The following SPTA1 variants were observed in gnomAD, a reference collection of about 807,000 sequenced individuals.
SPTA1 encodes the protein spectrin alpha chain, erythrocytic 1.
Under a neutral mutation model 324.7 loss-of-function variants are expected in SPTA1, and 177 were observed. The ratio of observed to expected loss-of-function variants is 0.55; its 90% CI spans 0.48 to 0.62. The LOEUF is 0.62. Ranked by LOEUF, SPTA1 falls within the 20% of genes least tolerant of loss-of-function variation. The pLI, the probability that SPTA1 is intolerant of heterozygous loss-of-function variation, is 0.00. For synonymous variants in SPTA1, 1,195 were observed against 1,041.3 expected, an observed-to-expected ratio of 1.15 and a Z score of -2.84; for missense variants, 3,162 against 2,883.6, an observed-to-expected ratio of 1.10 and a Z score of -2.21.
intron 10 of SPTA1, among the ~76,000 whole-genome samples, chr1:158,673,394 GC>G (rs780294684): frequency 3.9e-5 from 6 of 152,110 alleles, no homozygotes; most frequent in Non-Finnish European, 7.4e-5. Flanking sequence ...CCTAGACTCT[GC>G]CACTGGTGCA....
intron 5 of SPTA1, among the ~76,000 whole-genome samples, chr1:158,678,819 C>A (rs1654590883): frequency 6.6e-6 from 1 of 152,032 alleles, no homozygotes; most frequent in Admixed American, 6.6e-5. Flanking sequence ...AGAGCTCCAC[C>A]TTGTCAATGC....
chr1:158,677,780 A>G lies in SPTA1; in HGVS notation c.867T>C (p.Ser289=), dbSNP rs12083637. The change falls in exon 7 of 52, where the codon TCT becomes TCC. Residue 289 remains serine (S), a synonymous_variant. Coordinates refer to ENST00000643759, the MANE Select transcript of SPTA1 (RefSeq NM_003126.4). ...WIKEKEPVLT[S]EDYGKDLVAS... Reference sequence around the variant, plus strand: ...CAACAAGGTCTTTGCCATAGTCCTCAGAGGTGAGTACAGGTTCCTTCTCCT... The same window carrying G: ...CAACAAGGTCTTTGCCATAGTCCTCGGAGGTGAGTACAGGTTCCTTCTCCT... 6.2e-3 allele frequency: 10,001 copies of G among 1,613,692 alleles called. 512 individuals carry two copies. The African/African-American group carries it at 0.12, about 19-fold the overall frequency.
At chr1:158,668,206 G>C in intron 14 of SPTA1, 144 bp from the exon 15 acceptor site, 1 of 947,692 alleles carries the variant, frequency 1.1e-6, no homozygotes, top group Non-Finnish European at 1.6e-6. Flanking sequence ...CTAGTCCAAC[G>C]TTTGAGAAAT....
chr1:158,677,944 T>A (rs1654513804), intron 6 of SPTA1, 110 bp from the exon 7 acceptor site: 1 of 1,341,276 alleles, frequency 7.5e-7, no homozygotes, highest in African/African-American at 1.4e-5. Context: ...GGAGCAATTA[T>A]CCTTTCTTCC....
chr1:158,651,574 A>G (rs1260741725), intron 23 of SPTA1, 106 bp from the exon 24 acceptor site: 1 of 782,504 alleles, frequency 1.3e-6, no homozygotes, highest in South Asian at 1.4e-5. Context: ...CCCCTACATC[A>G]CCGTAATACA....
intron 34 of SPTA1, 85 bp downstream of exon 34, chr1:158,639,785 C>G: frequency 6.2e-7 from 1 of 1,612,564 alleles, no homozygotes. Context: ...CAGGAAAATT[C>G]AAGGAAATTG....
chr1:158,626,237 C>T lies in SPTA1; in HGVS notation c.5834-15G>A, dbSNP rs192889943. ...TTCCTTATCAGCTAAAAGGCAAAAA[C>T]AATTAAGAAGAGAAAGACATTTGGT... On this transcript the variant is annotated splice_polypyrimidine_tract_variant and intron_variant, in intron 41 of 51. Coordinates refer to ENST00000643759, the MANE Select transcript of SPTA1 (RefSeq NM_003126.4). 8,955 of 1,612,374 alleles carry T rather than the reference C, an allele frequency of 5.6e-3. 45 individuals carry two copies. Among genetic ancestry groups the T allele is most frequent in the Middle Eastern group, 0.011 (64 of 6,056 alleles).
intron 39 of SPTA1, among the ~76,000 whole-genome samples, chr1:158,630,982 A>G (rs1162884288): frequency 6.6e-6 from 1 of 151,980 alleles, no homozygotes; most frequent in Non-Finnish European, 1.5e-5. Flanking sequence ...AATAATAGAT[A>G]TCGGTGTGGA....
At chr1:158,685,613 A>G (rs539184595) in intron 1 of SPTA1, among the ~76,000 whole-genome samples, 7 of 152,156 alleles carry the variant, frequency 4.6e-5, no homozygotes, top group Non-Finnish European at 8.8e-5. Context: ...CTATAGATAT[A>G]ATTATATTGG....
chr1:158,649,453 A>C (rs1462199595), intron 25 of SPTA1, among the ~76,000 whole-genome samples: 1 of 151,896 alleles, frequency 6.6e-6, no homozygotes, highest in Non-Finnish European at 1.5e-5. Flanking sequence ...CTAATTTTTC[A>C]TTTTTTATTT....
rs1056014421 is a variant in SPTA1 at position 158,674,555 on chromosome 1, C to T, written c.1233G>A (p.Arg411=). 1 of 1,614,126 alleles carries T rather than the reference C, an allele frequency of 6.2e-7. No homozygotes were observed. Among genetic ancestry groups the T allele is most frequent in the South Asian group, 1.1e-5 (1 of 91,088 alleles). The change falls in exon 9 of 52, where the codon AGG becomes AGA. Residue 411 remains arginine (R), a synonymous_variant. Coordinates refer to ENST00000643759, the MANE Select transcript of SPTA1 (RefSeq NM_003126.4). ...TCTTCTCTACCTTATGCTGCTGATG[C>T]CTGTCCAGCAGAACTTCTCCACCAG... ...DVAGGEVLLD[R]HQQHKHEIDS...
intron 8 of SPTA1, among the ~76,000 whole-genome samples, chr1:158,675,150 T>C (rs1454738058): frequency 2.0e-5 from 3 of 152,178 alleles, no homozygotes; most frequent in Non-Finnish European, 2.9e-5. Context: ...AAAAGTTAAA[T>C]GCTCATCTTT....
At position 158,634,630 on chromosome 1, in the gene SPTA1, C is replaced by T. The variant is rs750645918; in HGVS notation, c.5478G>A (p.Gln1826=). ...TCCAAGCTTCCTCTTCCTCAGCATT[C>T]TGCATGAATTGCAAGTATTCTAGGG... The part of the protein sequence containing the change: ...EESLEYLQFM[Q]NAEEEEAWIN... The change falls in exon 39 of 52, where the codon CAG becomes CAA. Residue 1826 remains glutamine, a synonymous_variant. Coordinates refer to ENST00000643759, the MANE Select transcript of SPTA1 (RefSeq NM_003126.4). 21 of 1,614,036 alleles carry T rather than the reference C, an allele frequency of 1.3e-5. No individual in the cohort carries two copies. In the Middle Eastern group the frequency reaches 1.8e-3, roughly 139 times the overall value.
chr1:158,674,818 T>C, intron 8 of SPTA1, 143 bp from the exon 9 acceptor site: 3 of 1,176,056 alleles, frequency 2.6e-6, no homozygotes, highest in Non-Finnish European at 3.7e-6. Flanking sequence ...GATTATTTCC[T>C]GTTATTTACA....
At chr1:158,636,805 T>A (rs1372170438) in intron 36 of SPTA1, 44 bp from the exon 37 acceptor site, 1 of 1,612,288 alleles carries the variant, frequency 6.2e-7, no homozygotes, top group Admixed American at 1.7e-5. Flanking sequence ...TCTAGACATC[T>A]AATGTCATCC....
chr1:158,683,961 T>C (rs1250450641), intron 2 of SPTA1, among the ~76,000 whole-genome samples: 2 of 152,046 alleles, frequency 1.3e-5, no homozygotes, highest in Non-Finnish European at 2.9e-5. Context: ...CTGTCCAACA[T>C]CAATTGCTTC....
At chr1:158,662,209 T>C (rs975228376) in intron 17 of SPTA1, among the ~76,000 whole-genome samples, 9 of 152,338 alleles carry the variant, frequency 5.9e-5, no homozygotes, top group African/African-American at 2.2e-4. Flanking sequence ...TTGCACTGTA[T>C]TTGTGTACAC....
At chr1:158,648,762 A>T (rs1024145529) in intron 25 of SPTA1, 109 bp from the exon 26 acceptor site, 3 of 1,001,478 alleles carry the variant, frequency 3.0e-6, no homozygotes, top group African/African-American at 2.9e-5. Flanking sequence ...CCTCCCACCC[A>T]CCCCCCCACC....
chr1:158,642,505 A>G lies in SPTA1; in HGVS notation c.4643T>C (p.Val1548Ala), dbSNP rs1466388784. Residue 1548 changes from valine to alanine, a missense_variant, in exon 33 of 52, where the codon GTC becomes GCC. Coordinates refer to ENST00000643759, the MANE Select transcript of SPTA1 (RefSeq NM_003126.4). ...ATGCACCTGCTCAGATCGGCCATCG[A>G]CTTCATGTGCAAAGGTCTGGTGTTT... is the stretch of plus-strand genomic sequence containing the variant. The part of the protein sequence containing the change: ...YLKHQTFAHE[V>A]DGRSEQVHGV... 6 of 1,613,590 alleles carry G rather than the reference A, an allele frequency of 3.7e-6. No homozygotes were observed. Among genetic ancestry groups the G allele is most frequent in the Non-Finnish European group, 5.1e-6 (6 of 1,179,694 alleles).
Sources: gnomAD v4.1 joint callset for allele counts (sites outside exome capture counted in the v4.1 genomes callset) on GRCh38, gnomAD v4.1.1 for gene constraint, MANE v1.5 for transcripts, NCBI Gene and HGNC (gene_info 2026-07-23, HGNC 2026-07-21) for gene names.